Variants in MYBBP1A observed in about 807,000 individuals in gnomAD.
MYBBP1A encodes MYB binding protein 1a.
In MYBBP1A, 147 loss-of-function variants were observed where a neutral mutation model predicts 136.3. The ratio of observed to expected loss-of-function variants is 1.08; its 90% CI spans 0.94 to 1.24. The LOEUF (loss-of-function observed/expected upper bound fraction) is 1.24, where lower values mean the gene tolerates loss of function less well. Among genes scored for constraint, MYBBP1A ranks in the 50% most tolerant of loss-of-function variants. The pLI is 0.00. For missense variants in MYBBP1A, 2,060 were observed against 1,727.4 expected, an observed-to-expected ratio of 1.19 and a Z score of -3.41; for synonymous variants, 947 against 735.8, an observed-to-expected ratio of 1.29 and a Z score of -4.65.
At position 4,544,350 on chromosome 17, in the gene MYBBP1A, G is replaced by A. The variant is rs1906747855; in HGVS notation, c.2639+139C>T. On this transcript the variant is annotated intron_variant, in intron 19 of 25. Transcript: ENST00000254718. ...AAGTGACGTGTGCCTCTAGGGCTGA[G>A]CAGTGAGCCTGCGAGCTAGGGGCCC... 9.0e-6 allele frequency: 10 copies of A among 1,108,472 alleles called. No individual in the cohort carries two copies. In the South Asian group the frequency reaches 1.4e-4, roughly 15 times the overall value. The allele number at this position is 1,108,472 out of a possible 1,614,324, so 68.7% of individuals were successfully genotyped here.
intron 14 of MYBBP1A, 21 bp downstream of exon 14, chr17:4,545,825 C>T (rs1906963149): frequency 1.2e-6 from 2 of 1,612,092 alleles, no homozygotes; most frequent in African/African-American, 2.7e-5. Context: ...ACTCTAGTCC[C>T]TCTCGTGACC....
Position 4,542,938 on chromosome 17 carries a change from G to A in MYBBP1A, c.2867C>T (p.Pro956Leu), listed in dbSNP as rs758919959. The A allele has an allele frequency of 1.2e-6, 2 of 1,613,894 alleles. No homozygotes were observed. The highest frequency in any genetic ancestry group is 1.7e-6 in the Non-Finnish European group (2 of 1,180,002). Residue 956 changes from proline to leucine, a missense_variant, in exon 20 of 26, where the codon CCC becomes CTC. Transcript: ENST00000254718. ...CTGCGGGCCCGTGGGCATGTGGCTG[G>A]GGTCAGTGCCAGCTTTCTGCTTCTC... ...TQEKQKAGTD[P>L]SHMPTGPQAA...
In MYBBP1A at chr17:4,541,808, G is replaced by A; in HGVS notation, c.3171C>T (p.Gly1057=). The A allele has an allele frequency of 6.2e-7, 1 of 1,614,054 alleles. No individual in the cohort carries two copies. Among genetic ancestry groups the A allele is most frequent in the South Asian group, 1.1e-5 (1 of 91,078 alleles). The change falls in exon 23 of 26, where the codon GGC becomes GGT. Residue 1057 remains glycine (G), a synonymous_variant. Transcript: ENST00000254718. The stretch of plus-strand genomic sequence containing the variant: ...CCTCGGTGACCTTTGCTAGGACCTG[G>A]CCCATCAGCTGCTTCCACTCGGGGT... The part of the protein sequence containing the change: ...FEDPEWKQLM[G]QVLAKVTENL...
Position 4,545,040 on chromosome 17 carries a change from C to A in MYBBP1A, c.2296G>T (p.Ala766Ser), listed in dbSNP as rs1230275525. ...FREQLMTVLQ[A>S]GKALGGEDSE... is the part of the protein sequence containing the mutation. ...CCCCCACTCACCAGCGCCTTCCCAG[C>A]CTGCAGCACGGTCATCAGCTGTTCC... Residue 766 changes from alanine (A) to serine (S), a missense_variant, in exon 17 of 26, where the codon GCT becomes TCT. Coordinates refer to ENST00000254718, the MANE Select transcript of MYBBP1A (RefSeq NM_014520.4). 10 of 1,542,704 alleles carry A rather than the reference C, an allele frequency of 6.5e-6. No individual in the cohort carries two copies. The highest frequency in any genetic ancestry group is 7.9e-6 in the Non-Finnish European group (9 of 1,145,834).
chr17:4,546,090 C>A (rs966925981), intron 13 of MYBBP1A, 148 bp from the exon 14 acceptor site: 2 of 685,592 alleles, frequency 2.9e-6, no homozygotes, highest in African/African-American at 3.6e-5. Flanking sequence ...CCCCCACAAT[C>A]CAGAACAGAA....
chr17:4,539,831 G>C lies in MYBBP1A; in HGVS notation c.3571C>G (p.Pro1191Ala), dbSNP rs1030351881. 3.1e-6 allele frequency: 5 copies of C among 1,610,268 alleles called. No homozygotes were observed. The highest frequency in any genetic ancestry group is 1.6e-4 in the Middle Eastern group (1 of 6,082). Reference protein sequence around the residue: ...RKKRKSEDGTPAEDGTPAATG... With the variant: ...RKKRKSEDGTAAEDGTPAATG... ...GCTGCAGGTGTGCCATCCTCCGCTG[G>C]CGTGCCATCCTCTGACTTGCGTTTC... Residue 1191 changes from proline to alanine, a missense_variant, in exon 26 of 26, where the codon CCA becomes GCA. Coordinates refer to ENST00000254718, the MANE Select transcript of MYBBP1A (RefSeq NM_014520.4).
At chr17:4,554,533 G>A (rs1448801582) in intron 2 of MYBBP1A, among the ~76,000 whole-genome samples, 3 of 152,168 alleles carry the variant, frequency 2.0e-5, no homozygotes, top group African/African-American at 7.2e-5. Flanking sequence ...TCTGCCCCTT[G>A]TCAAGGCGCC....
rs764382857 is a variant in MYBBP1A, at chr17:4,539,687, T to C, written c.3715A>G (p.Thr1239Ala). The part of the protein sequence containing the change: ...TTKSPAPGAP[T>A]RSPSTPAKSP... Reference sequence around the variant, plus strand: ...TTGGCAGGGGTGCTGGGGCTCCGGGTGGGGGCGCCAGGGGCTGGACTCTTG... The same window carrying C: ...TTGGCAGGGGTGCTGGGGCTCCGGGCGGGGGCGCCAGGGGCTGGACTCTTG... The change falls in exon 26 of 26, where the codon ACC becomes GCC. Residue 1239 changes from threonine (T) to alanine (A), a missense_variant. Physicochemically the swap from Thr to Ala is moderately conservative, Grantham distance 58 (BLOSUM62 0). Coordinates refer to ENST00000254718, the MANE Select transcript of MYBBP1A (RefSeq NM_014520.4). The C allele has an allele frequency of 5.5e-5, 88 of 1,607,058 alleles. No individual in the cohort carries two copies. Among genetic ancestry groups the C allele is most frequent in the Non-Finnish European group, 7.1e-5 (84 of 1,175,742 alleles).
rs1906047178 is a variant in MYBBP1A at position 4,538,923 on chromosome 17, G to A, written c.*492C>T. On this transcript the variant is annotated 3_prime_UTR_variant, in exon 26 of 26. Transcript: ENST00000254718. The stretch of plus-strand genomic sequence containing the variant: ...CGAGTGTTGCCTCCTCTTCCTTCCG[G>A]AAGCCAAACTGCTCCTTTATTTTTT... The A allele has an allele frequency of 1.3e-6, 1 of 782,572 alleles. No individual in the cohort carries two copies. The highest frequency in any genetic ancestry group is 2.4e-5 in the East Asian group (1 of 41,264). The allele number at this position is 782,572 out of a possible 1,614,324, so 48.5% of individuals were successfully genotyped here.
chr17:4,546,019 A>C, intron 13 of MYBBP1A, 77 bp from the exon 14 acceptor site: 2 of 1,356,956 alleles, frequency 1.5e-6, no homozygotes, highest in Non-Finnish European at 2.1e-6. Flanking sequence ...GGCTGGCCAA[A>C]TGGCAGCAGT....
chr17:4,547,952 C>G lies in MYBBP1A; in HGVS notation c.1824+6G>C. On this transcript the variant is annotated splice_donor_region_variant and intron_variant, in intron 13 of 25. Coordinates refer to ENST00000254718, the MANE Select transcript of MYBBP1A (RefSeq NM_014520.4). Reference sequence around the variant, plus strand: ...CTCACAGCCCCTCCCTCCCAGGCCCCAGTACCTTGAGGAGGTGGATGCCCA... The same window carrying G: ...CTCACAGCCCCTCCCTCCCAGGCCCGAGTACCTTGAGGAGGTGGATGCCCA... The G allele has an allele frequency of 6.7e-7, 1 of 1,492,650 alleles. No individual in the cohort carries two copies. Among genetic ancestry groups the G allele is most frequent in the Non-Finnish European group, 8.9e-7 (1 of 1,118,302 alleles). 92.5% of individuals were successfully genotyped at this position (1,492,650 alleles called of 1,614,324 possible). A position where few individuals can be genotyped will look rare whatever the true frequency, so the allele number is the denominator to read the frequency against.
At position 4,539,292 on chromosome 17, in the gene MYBBP1A, C is replaced by T. The variant is rs1427789682; in HGVS notation, c.*123G>A. Reference sequence around the variant, plus strand: ...ATGCCCGGGCAGGCGGCAACAGCCACCCTCCCCAGTGGCAGCGCCTTAGAA... The same window carrying T: ...ATGCCCGGGCAGGCGGCAACAGCCATCCTCCCCAGTGGCAGCGCCTTAGAA... On this transcript the variant is annotated 3_prime_UTR_variant, in exon 26 of 26. Transcript: ENST00000254718. 2 of 1,494,208 alleles carry T rather than the reference C, an allele frequency of 1.3e-6. No homozygotes were observed. The highest frequency in any genetic ancestry group is 1.4e-5 in the African/African-American group (1 of 71,274). The allele number at this position is 1,494,208 out of a possible 1,614,324, so 92.6% of individuals were successfully genotyped here. A position where few individuals can be genotyped will look rare whatever the true frequency, so the allele number is the denominator to read the frequency against.
At position 4,554,103 on chromosome 17, in the gene MYBBP1A, G is replaced by A; in HGVS notation, c.379-10C>T. The A allele has an allele frequency of 1.9e-6, 3 of 1,613,926 alleles. No individual in the cohort carries two copies. Among genetic ancestry groups the A allele is most frequent in the Non-Finnish European group, 2.5e-6 (3 of 1,179,968 alleles). On this transcript the variant is annotated splice_polypyrimidine_tract_variant and intron_variant, in intron 3 of 25. Transcript: ENST00000254718. ...CAGGTCTCAGCATTGCCTAGAAAAG[G>A]ATTCCAGGCACAGGCATGAGGGGCC...
chr17:4,545,547 C>G (rs1906925805), intron 15 of MYBBP1A, 63 bp downstream of exon 15: 1 of 1,530,160 alleles, frequency 6.5e-7, no homozygotes, highest in African/African-American at 1.4e-5. Context: ...AGCGGCACCC[C>G]TGGTGCAGCT....
rs1283128607 is a variant in MYBBP1A at position 4,554,883 on chromosome 17, C to T, written c.272G>A (p.Cys91Tyr). ...LGVGRETARP[C>Y]YSLALAQLLQ... ...CACCTGTGCCAGGGCCAAACTGTAGCAGGGCCGGGCTGTTTCTCGCCCGAC... is the reference window on the plus strand; with the variant it reads ...CACCTGTGCCAGGGCCAAACTGTAGTAGGGCCGGGCTGTTTCTCGCCCGAC... The change falls in exon 2 of 26, where the codon TGC (cysteine) becomes TAC (tyrosine). Residue 91 changes from cysteine to tyrosine, a missense_variant. Coordinates refer to ENST00000254718, the MANE Select transcript of MYBBP1A (RefSeq NM_014520.4). 9 of 1,613,602 alleles carry T rather than the reference C, an allele frequency of 5.6e-6. No individual in the cohort carries two copies. The highest frequency in any genetic ancestry group is 7.6e-6 in the Non-Finnish European group (9 of 1,180,020).
chr17:4,540,552 T>C (rs1906319817), intron 24 of MYBBP1A, 68 bp from the exon 25 acceptor site: 2 of 1,483,706 alleles, frequency 1.3e-6, no homozygotes, highest in Non-Finnish European at 9.0e-7. Flanking sequence ...CTCCCAGTCT[T>C]CCCACCTCTG....
In MYBBP1A at chr17:4,548,497, A is replaced by C. The variant is rs776590922; in HGVS notation, c.1556+27T>G. ...GCCCTCAAGGCCTTCCCACCTTCGG[A>C]CCTCTCCTGGGCTGCCCAAGACTCA... On this transcript the variant is annotated intron_variant, in intron 11 of 25. Transcript: ENST00000254718. This position sits in a 1 kb window ranked among gnomAD's most constrained non-coding sequence, Gnocchi z 4.2. 207 of 1,612,862 alleles carry C rather than the reference A, an allele frequency of 1.3e-4. 1 individual carries two copies. Among genetic ancestry groups the C allele is most frequent in the Non-Finnish European group, 1.7e-4 (200 of 1,179,908 alleles).
intron 9 of MYBBP1A, 123 bp downstream of exon 9, chr17:4,549,935 T>TC: frequency 3.8e-6 from 4 of 1,065,310 alleles, no homozygotes; most frequent in Non-Finnish European, 4.1e-6. Flanking sequence ...CTAAGGCTCT[T>TC]CCCCCTCGCT....
Position 4,545,089 on chromosome 17 carries a change from G to C in MYBBP1A, c.2247C>G (p.Asp749Glu). ...EGEESEEEER[D>E]GDVDQGFREQ... Reference sequence around the variant, plus strand: ...CCCGGAAGCCCTGATCCACGTCCCCGTCGCGCTCCTCCTCCTCGCTCTCCT... The same window carrying C: ...CCCGGAAGCCCTGATCCACGTCCCCCTCGCGCTCCTCCTCCTCGCTCTCCT... Residue 749 changes from aspartate (D) to glutamate (E), a missense_variant, in exon 17 of 26, where the codon GAC (aspartate) becomes GAG (glutamate). By Grantham distance (45) the Asp-to-Glu change is conservative. Transcript: ENST00000254718. The C allele has an allele frequency of 6.4e-7, 1 of 1,574,302 alleles. No homozygotes were observed. Among genetic ancestry groups the C allele is most frequent in the Non-Finnish European group, 8.6e-7 (1 of 1,162,278 alleles).
Sources: gnomAD v4.1 joint callset for allele counts (sites outside exome capture counted in the v4.1 genomes callset) on GRCh38, gnomAD v4.1.1 for gene constraint, Gnocchi (gnomAD v3.1) non-coding constraint, MANE v1.5 for transcripts, NCBI Gene and HGNC (gene_info 2026-07-23, HGNC 2026-07-21) for gene names.